SCHIP1: variants seen among roughly 807,000 people sequenced by gnomAD.
The protein encoded by SCHIP1 is schwannomin interacting protein 1, also known as schwannomin-interacting protein 1.
Under a neutral mutation model 29.7 loss-of-function variants are expected in SCHIP1, and 8 were observed. The ratio of observed to expected loss-of-function variants is 0.27; its 90% CI spans 0.16 to 0.49. The LOEUF (loss-of-function observed/expected upper bound fraction) is 0.49, where lower values mean the gene tolerates loss of function less well. SCHIP1 is among the 20% of genes least tolerant of loss of function. SCHIP1 has a pLI of 0.99. For synonymous variants in SCHIP1, 76 were observed against 94.9 expected (o/e 0.80, Z 1.16); for missense variants, 193 against 294.6 (o/e 0.66, Z 2.52).
chr3:159,578,364 A>G, the SCHIP1 span, among the ~76,000 whole-genome samples: 1 of 152,198 alleles, frequency 6.6e-6, no homozygotes, highest in African/African-American at 2.4e-5. Flanking sequence ...ATCTGACTAC[A>G]TGTTGAAATA....
At chr3:159,651,918 A>G in the SCHIP1 span, among the ~76,000 whole-genome samples, 1 of 152,176 alleles carries the variant, frequency 6.6e-6, no homozygotes, top group Admixed American at 6.5e-5. Context: ...AACACGGTGA[A>G]ACCGCATCTT....
the SCHIP1 span, among the ~76,000 whole-genome samples, chr3:159,523,574 C>CGTGTGTGT: frequency 6.6e-6 from 1 of 151,590 alleles, no homozygotes; most frequent in East Asian, 1.9e-4. Flanking sequence ...TAAGTGTGTG[C>CGTGTGTGT]GTGTGTGTGT....
intron 2 of SCHIP1, among the ~76,000 whole-genome samples, chr3:159,880,628 T>G (rs2109378644): frequency 6.6e-6 from 1 of 152,332 alleles, no homozygotes; most frequent in South Asian, 2.1e-4. Context: ...TACTGGGGAC[T>G]GCAGCAAACT....
At chr3:159,750,898 CA>C in the SCHIP1 span, among the ~76,000 whole-genome samples, 1 of 87,130 alleles carries the variant, frequency 1.1e-5, no homozygotes. Flanking sequence ...ATTTTCCAAA[CA>C]AACAAAAAAA....
chr3:159,782,244 A>G, the SCHIP1 span, among the ~76,000 whole-genome samples: 1 of 152,266 alleles, frequency 6.6e-6, no homozygotes, highest in African/African-American at 2.4e-5. Flanking sequence ...TTAGATGCCC[A>G]TACTGGGGCA....
chr3:159,546,335 G>C, the SCHIP1 span, among the ~76,000 whole-genome samples: 20 of 152,156 alleles, frequency 1.3e-4, no homozygotes, highest in Admixed American at 3.9e-4. Flanking sequence ...TAATATTTTA[G>C]CATTAACTGT....
At chr3:159,674,535 G>A in the SCHIP1 span, among the ~76,000 whole-genome samples, 1 of 148,234 alleles carries the variant, frequency 6.7e-6, no homozygotes, top group Non-Finnish European at 1.5e-5. Context: ...AGCGGTCTTT[G>A]GAGGAAACCT....
the SCHIP1 span, among the ~76,000 whole-genome samples, chr3:159,453,783 G>T: frequency 2.0e-5 from 3 of 152,138 alleles, no homozygotes; most frequent in East Asian, 3.8e-4. Context: ...CCTACATGTA[G>T]CTTGTCAAGT....
chr3:159,626,103 TAGATAGATAGATAG>T, the SCHIP1 span, among the ~76,000 whole-genome samples: 2 of 112,344 alleles, frequency 1.8e-5, no homozygotes, highest in East Asian at 2.5e-4. Context: ...GATAGATAGA[TAGATAGATAGATAG>T]ATAGATAGAT....
chr3:159,433,494 A>G, the SCHIP1 span, among the ~76,000 whole-genome samples: 1 of 152,202 alleles, frequency 6.6e-6, no homozygotes, highest in East Asian at 1.9e-4. Context: ...AATGATGAAG[A>G]CATCTATTTC....
the SCHIP1 span, among the ~76,000 whole-genome samples, chr3:159,430,715 G>T: frequency 6.6e-6 from 1 of 152,158 alleles, no homozygotes; most frequent in African/African-American, 2.4e-5. Flanking sequence ...CAGAGCCACT[G>T]CCCTCAGGGA....
chr3:159,551,322 G>C, the SCHIP1 span, among the ~76,000 whole-genome samples: 4 of 152,126 alleles, frequency 2.6e-5, no homozygotes, highest in African/African-American at 7.2e-5. Flanking sequence ...CTATATAATA[G>C]AATATAATAA....
chr3:159,337,876 A>T, the SCHIP1 span, among the ~76,000 whole-genome samples: 14 of 152,204 alleles, frequency 9.2e-5, no homozygotes, highest in African/African-American at 3.4e-4. Flanking sequence ...AATATTTCTC[A>T]TTGTTAGTAA....
At chr3:159,373,028 A>ATTTAAATTTAAATTTGTTTTTAATTT in the SCHIP1 span, among the ~76,000 whole-genome samples, 1 of 151,590 alleles carries the variant, frequency 6.6e-6, no homozygotes, top group African/African-American at 2.4e-5. Flanking sequence ...TCATTTATCC[A>ATTTAAATTTAAATTTGTTTTTAATTT]TTTAAATTTA....
chr3:159,867,997 A>ATGATTTATATATATATATATAAATCAT (rs1560089689), intron 2 of SCHIP1, among the ~76,000 whole-genome samples: 6 of 142,576 alleles, frequency 4.2e-5, no homozygotes, highest in Admixed American at 6.9e-5. Flanking sequence ...ATATAAATCA[A>ATGATTTATATATATATATATAAATCAT]TGATTTATAT....
At chr3:159,855,680 T>G (rs1713266754) in intron 1 of SCHIP1, among the ~76,000 whole-genome samples, 1 of 152,166 alleles carries the variant, frequency 6.6e-6, no homozygotes, top group Non-Finnish European at 1.5e-5. Context: ...TTTTATCTCC[T>G]GTGGTACTTT....
chr3:159,595,860 G>A, the SCHIP1 span, among the ~76,000 whole-genome samples: 3 of 152,088 alleles, frequency 2.0e-5, no homozygotes, highest in African/African-American at 7.2e-5. Context: ...AACCCAGATA[G>A]GTTTCATGGC....
the SCHIP1 span, among the ~76,000 whole-genome samples, chr3:159,712,542 C>A: frequency 6.7e-6 from 1 of 150,326 alleles, no homozygotes; most frequent in Non-Finnish European, 1.5e-5. Flanking sequence ...CATAGAGAGA[C>A]CCTGTCACTA....
At chr3:159,491,332 G>T in the SCHIP1 span, among the ~76,000 whole-genome samples, 41 of 152,326 alleles carry the variant, frequency 2.7e-4, no homozygotes, top group East Asian at 7.9e-3. Flanking sequence ...AAGCACAAGG[G>T]GTCAGGGAAT....
Sources: allele counts gnomAD v4.1 joint callset (sites outside exome capture counted in the v4.1 genomes callset), GRCh38; gene constraint gnomAD v4.1.1; transcripts MANE v1.5; gene names NCBI Gene and HGNC (gene_info 2026-07-23, HGNC 2026-07-21).